KIF26B: variants seen among roughly 807,000 people sequenced by gnomAD.
The protein encoded by KIF26B is kinesin-like protein KIF26B.
A neutral mutation model predicts 151.2 loss-of-function variants in KIF26B; 63 were observed. That is an observed-to-expected ratio of 0.42 (90% CI 0.34 to 0.51). The LOEUF (loss-of-function observed/expected upper bound fraction) is 0.51, where lower values mean the gene tolerates loss of function less well. Among genes scored for constraint, KIF26B ranks in the 20% least tolerant of loss-of-function variants. KIF26B has a pLI of 0.07. For missense variants in KIF26B, 2,813 were observed against 2,913.6 expected, an observed-to-expected ratio of 0.97 and a Z score of 0.79; for synonymous variants, 1,357 against 1,262.1, an observed-to-expected ratio of 1.08 and a Z score of -1.59.
At position 245,375,895 on chromosome 1, in the gene KIF26B, C is replaced by T. The variant is rs12161203; in HGVS notation, c.999+8528C>T. Reference sequence around the variant, plus strand: ...CCATGCACAAGTCAGATTCTTTCATCTGGGTGCCACCACAGAATGAGAGGT... The same window carrying T: ...CCATGCACAAGTCAGATTCTTTCATTTGGGTGCCACCACAGAATGAGAGGT... On this transcript the variant is annotated intron_variant, in intron 3 of 14. Transcript: ENST00000407071. This position sits in a 1 kb window ranked among gnomAD's most constrained non-coding sequence, Gnocchi z 4.2. Among the ~76,000 whole-genome samples, 1 of 152,324 alleles carries T rather than the reference C, an allele frequency of 6.6e-6. No homozygotes were observed. The highest frequency in any genetic ancestry group is 1.9e-4 in the East Asian group (1 of 5,182).
chr1:245,258,018 C>CT (rs1670571539), intron 2 of KIF26B, among the ~76,000 whole-genome samples: 1 of 150,024 alleles, frequency 6.7e-6, no homozygotes, highest in Admixed American at 6.6e-5. Context: ...GAGACTCTGT[C>CT]TTAAAAAAAA....
chr1:245,673,536 C>T (rs1291990365), intron 10 of KIF26B, among the ~76,000 whole-genome samples: 1 of 152,246 alleles, frequency 6.6e-6, no homozygotes, highest in South Asian at 2.1e-4. Context: ...GTAAACACGT[C>T]TTTTTGAAAG....
intron 4 of KIF26B, among the ~76,000 whole-genome samples, chr1:245,442,960 A>AGAG (rs1659148364): frequency 1.7e-5 from 1 of 57,468 alleles, no homozygotes; most frequent in African/African-American, 9.9e-5. Flanking sequence ...CTGTTCACCT[A>AGAG]GAGCGGTCAT....
intron 5 of KIF26B, among the ~76,000 whole-genome samples, chr1:245,544,970 G>A (rs936885804): frequency 1.9e-4 from 29 of 152,198 alleles, no homozygotes; most frequent in African/African-American, 6.5e-4. Flanking sequence ...AGCTTTTCTG[G>A]AGGCCATGGT....
intron 4 of KIF26B, among the ~76,000 whole-genome samples, chr1:245,467,294 C>T (rs996107387): frequency 7.9e-5 from 12 of 152,228 alleles, no homozygotes; most frequent in Non-Finnish European, 1.5e-4. Context: ...GCTCTTTATT[C>T]TGTGTTTCGG....
At chr1:245,178,105 A>G (rs1484508903) in intron 2 of KIF26B, among the ~76,000 whole-genome samples, 3 of 152,240 alleles carry the variant, frequency 2.0e-5, no homozygotes, top group African/African-American at 7.2e-5. Flanking sequence ...CACAGAGGTC[A>G]CATCTGACTG....
intron 5 of KIF26B, among the ~76,000 whole-genome samples, chr1:245,544,621 G>A (rs181965835): frequency 1.7e-4 from 26 of 152,258 alleles, no homozygotes; most frequent in Admixed American, 6.5e-4. Flanking sequence ...AGGACCTTTC[G>A]GCCATTTTAT....
At chr1:245,389,418 A>G (rs1247426109) in intron 3 of KIF26B, among the ~76,000 whole-genome samples, 1 of 152,138 alleles carries the variant, frequency 6.6e-6, no homozygotes, top group Non-Finnish European at 1.5e-5. Flanking sequence ...TGGCCAAAAA[A>G]AAAAAGCCCA....
rs543263930 is a variant in KIF26B, at chr1:245,684,615, G to C, written c.2421+220G>C. On this transcript the variant is annotated intron_variant, in intron 11 of 14. Coordinates refer to ENST00000407071, the MANE Select transcript of KIF26B (RefSeq NM_018012.4). ...CTCCCCACACCTGGTGCTGGCCCTG[G>C]TCACCCAGCCTGGACCCCTGACCGG... is the stretch of plus-strand genomic sequence containing the variant. Among the ~76,000 whole-genome samples, 4 of 152,324 alleles carry C rather than the reference G, an allele frequency of 2.6e-5. No homozygotes were observed. In the East Asian group the frequency reaches 7.7e-4, roughly 29 times the overall value.
chr1:245,559,280 G>A (rs1035103928), intron 5 of KIF26B, among the ~76,000 whole-genome samples: 4 of 152,166 alleles, frequency 2.6e-5, no homozygotes, highest in Admixed American at 2.0e-4. Flanking sequence ...CTAAGCTCCG[G>A]TGAGCCTGTG....
At chr1:245,323,965 TG>T (rs1168402597) in intron 2 of KIF26B, among the ~76,000 whole-genome samples, 2 of 127,484 alleles carry the variant, frequency 1.6e-5, no homozygotes, top group East Asian at 2.3e-4. Context: ...GAGGTGGAGG[TG>T]GGGTGGGCCC....
intron 4 of KIF26B, among the ~76,000 whole-genome samples, chr1:245,421,982 A>C (rs1394495508): frequency 1.3e-5 from 2 of 152,162 alleles, no homozygotes; most frequent in African/African-American, 2.4e-5. Context: ...GGCAAAACCC[A>C]AAATGTATGG....
chr1:245,225,776 T>A lies in KIF26B; in HGVS notation c.465+69093T>A, dbSNP rs548946962. The stretch of plus-strand genomic sequence containing the variant: ...TTAGCAAAACACAACTAGGTTTTAT[T>A]ATTATTATTATTTTAGTGCTTGGGA... On this transcript the variant is annotated intron_variant, in intron 2 of 14. Coordinates refer to ENST00000407071, the MANE Select transcript of KIF26B (RefSeq NM_018012.4). 2.0e-5 allele frequency among the ~76,000 whole-genome samples: 3 copies of A among 152,308 alleles called. 1 individual carries two copies. In the South Asian group the frequency reaches 6.2e-4, roughly 32 times the overall value.
At chr1:245,608,076 C>T (rs868841494) in intron 7 of KIF26B, among the ~76,000 whole-genome samples, 10 of 152,108 alleles carry the variant, frequency 6.6e-5, no homozygotes, top group South Asian at 2.1e-4. Flanking sequence ...GCAGATAGGG[C>T]CCCTTGCACC....
intron 2 of KIF26B, among the ~76,000 whole-genome samples, chr1:245,265,503 C>G (rs1347479271): frequency 6.6e-6 from 1 of 151,130 alleles, no homozygotes; most frequent in Non-Finnish European, 1.5e-5. Context: ...TGAAGTAGAC[C>G]AAATACATCA....
At chr1:245,652,042 G>C (rs2044021742) in intron 10 of KIF26B, among the ~76,000 whole-genome samples, 1 of 151,840 alleles carries the variant, frequency 6.6e-6, no homozygotes, top group Admixed American at 6.6e-5. Flanking sequence ...AAATGCAAAG[G>C]AGTATCAGTT....
intron 2 of KIF26B, among the ~76,000 whole-genome samples, chr1:245,223,945 T>C (rs1337937626): frequency 3.9e-5 from 6 of 152,198 alleles, no homozygotes; most frequent in Non-Finnish European, 8.8e-5. Flanking sequence ...GCAGAACAGA[T>C]GTGCATCTTT....
chr1:245,604,015 T>C lies in KIF26B; in HGVS notation c.1557+1232T>C, dbSNP rs140281416. Among the ~76,000 whole-genome samples the C allele has an allele frequency of 2.5e-3, 379 of 152,324 alleles. 2 individuals carry two copies. The highest frequency in any genetic ancestry group is 8.8e-3 in the African/African-American group (365 of 41,564). ...AGTAGATATCTGTTCTCCTTTGGAT[T>C]CACCCTGGAGCTTTGGTGAAGATGG... On this transcript the variant is annotated intron_variant, in intron 6 of 14. Coordinates refer to ENST00000407071, the MANE Select transcript of KIF26B (RefSeq NM_018012.4).
At chr1:245,661,855 C>A (rs1263825041) in intron 10 of KIF26B, among the ~76,000 whole-genome samples, 1 of 149,690 alleles carries the variant, frequency 6.7e-6, no homozygotes, top group Non-Finnish European at 1.5e-5. Flanking sequence ...TATATATACA[C>A]CCTATGATAT....
Sources: allele counts gnomAD v4.1 joint callset (sites outside exome capture counted in the v4.1 genomes callset), GRCh38; gene constraint gnomAD v4.1.1; non-coding constraint Gnocchi (gnomAD v3.1); transcripts MANE v1.5; gene names NCBI Gene and HGNC (gene_info 2026-07-23, HGNC 2026-07-21).